The following TRNT1 variants were observed in gnomAD, a reference collection of about 807,000 sequenced individuals.
TRNT1 encodes CCA tRNA nucleotidyltransferase 1, mitochondrial.
TRNT1 carries 44 observed loss-of-function variants against 45.6 expected under a neutral mutation model. That is an observed-to-expected ratio of 0.97 (90% CI 0.76 to 1.24). The LOEUF (loss-of-function observed/expected upper bound fraction) is 1.24. Among genes scored for constraint, TRNT1 ranks in the 50% most tolerant of loss-of-function variants. The pLI, the probability that TRNT1 is intolerant of heterozygous loss-of-function variation, is 0.00. For synonymous variants in TRNT1, 201 were observed against 171.4 expected (o/e 1.17, Z -1.35); for missense variants, 633 against 504.4 (o/e 1.25, Z -2.44).
At chr3:3,136,506 T>A (rs74543240) in intron 2 of TRNT1, among the ~76,000 whole-genome samples, 4,705 of 152,268 alleles carry the variant, frequency 0.031, 152 homozygotes, top group African/African-American at 0.085. Flanking sequence ...ATAAGTGGTA[T>A]AGACTAATGT....
rs62228590 is a variant in TRNT1 at position 3,128,235 on chromosome 3, C to T, written c.-27-779C>T. Among the ~76,000 whole-genome samples the T allele has an allele frequency of 6.4e-3, 970 of 152,192 alleles. 6 individuals carry two copies. Among genetic ancestry groups the T allele is most frequent in the African/African-American group, 0.018 (750 of 41,518 alleles). On this transcript the variant is annotated intron_variant, in intron 1 of 7. Transcript: ENST00000251607. ...CCCTCAGACCCCTAATAAACTTGTT[C>T]GTGGAGGCCTGGGGAGTTTCCTCAG...
chr3:3,132,744 A>AAAAAAAAAAAAAAAAACAAAT (rs1705092044), intron 2 of TRNT1, among the ~76,000 whole-genome samples: 1 of 124,188 alleles, frequency 8.1e-6, no homozygotes, highest in African/African-American at 3.2e-5. Context: ...AAAAAAAAAA[A>AAAAAAAAAAAAAAAAACAAAT]CACAAAAAAA....
intron 3 of TRNT1, among the ~76,000 whole-genome samples, chr3:3,137,872 C>T (rs1490459071): frequency 6.6e-6 from 1 of 152,186 alleles, no homozygotes; most frequent in East Asian, 1.9e-4. Flanking sequence ...GTATTGTTTA[C>T]AGCCAGATTG....
At chr3:3,146,933 C>G (rs1706070084) in intron 6 of TRNT1, among the ~76,000 whole-genome samples, 1 of 152,122 alleles carries the variant, frequency 6.6e-6, no homozygotes, top group African/African-American at 2.4e-5. Flanking sequence ...AATGTAGCCT[C>G]TATCTAATAG....
intron 2 of TRNT1, chr3:3,136,562 AAC>A (rs1263716049): frequency 1.7e-5 from 7 of 405,482 alleles, no homozygotes; most frequent in African/African-American, 8.4e-5. Context: ...TCTATCTGTA[AAC>A]ACAGAGAAAT....
chr3:3,152,521 A>T (rs145426456), downstream of TRNT1: 21 of 1,613,972 alleles, frequency 1.3e-5, no homozygotes, highest in Non-Finnish European at 1.8e-5. Context: ...CCTTATACAC[A>T]GTAAGTGTCT....
chr3:3,143,800 G>A (rs186475753), intron 4 of TRNT1, among the ~76,000 whole-genome samples: 1 of 152,238 alleles, frequency 6.6e-6, no homozygotes. Flanking sequence ...GGAGGCTGCA[G>A]TGAGCTGAGA....
intron 5 of TRNT1, 40 bp downstream of exon 5, chr3:3,144,750 C>G: frequency 6.8e-7 from 1 of 1,470,510 alleles, no homozygotes; most frequent in Non-Finnish European, 9.2e-7. Context: ...GTTTTAATAT[C>G]ATGACTAGAG....
chr3:3,147,462 A>G lies in TRNT1; in HGVS notation c.815A>G (p.Asn272Ser). 1 of 1,613,466 alleles carries G rather than the reference A, an allele frequency of 6.2e-7. No homozygotes were observed. The highest frequency in any genetic ancestry group is 2.2e-5 in the East Asian group (1 of 44,806). Reference protein sequence around the residue: ...DVAPYIGLPANASLEEFDKVS... With the variant: ...DVAPYIGLPASASLEEFDKVS... ...TTTGTCCCTACAGGTTTACCTGCTAATGCAAGTTTAGAAGAATTTGACAAA... is the reference window on the plus strand; with the variant it reads ...TTTGTCCCTACAGGTTTACCTGCTAGTGCAAGTTTAGAAGAATTTGACAAA... Residue 272 changes from asparagine to serine, a missense_variant, in exon 7 of 8, where the codon AAT becomes AGT. Physicochemically the swap from Asn to Ser is conservative, Grantham distance 46. Coordinates refer to ENST00000251607, the MANE Select transcript of TRNT1 (RefSeq NM_182916.3).
chr3:3,152,860 T>TA (rs1575079802), downstream of TRNT1: 7 of 467,124 alleles, frequency 1.5e-5, 1 homozygote, highest in East Asian at 2.9e-4. Flanking sequence ...ACAGACATTG[T>TA]AAAGAATATA....
chr3:3,151,147 G>C (rs1396187166), downstream of TRNT1: 1 of 1,199,852 alleles, frequency 8.3e-7, no homozygotes, highest in East Asian at 2.5e-5. Flanking sequence ...AAATTCTAAG[G>C]ATTAGAGATT....
rs1706204053 is a variant in TRNT1 at position 3,148,294 on chromosome 3, G to GAATT, written c.*142_*145dup. ...TAGAACAACAAGGGTCTTATTTTGTGAATTATATATTTCAAGAACTAAACA... is the reference window on the plus strand; with the variant it reads ...TAGAACAACAAGGGTCTTATTTTGTGAATTAATTATATATTTCAAGAACTAAACA... On this transcript the variant is annotated 3_prime_UTR_variant, in exon 8 of 8. Coordinates refer to ENST00000251607, the MANE Select transcript of TRNT1 (RefSeq NM_182916.3). The GAATT allele has an allele frequency of 4.8e-6, 4 of 837,638 alleles. No individual in the cohort carries two copies. The highest frequency in any genetic ancestry group is 3.8e-5 in the South Asian group (2 of 52,640). The allele number at this position is 837,638 out of a possible 1,614,324, so 51.9% of individuals were successfully genotyped here. A position where few individuals can be genotyped will look rare whatever the true frequency, so the allele number is the denominator to read the frequency against.
At chr3:3,143,663 A>G (rs1705801997) in intron 4 of TRNT1, among the ~76,000 whole-genome samples, 1 of 151,974 alleles carries the variant, frequency 6.6e-6, no homozygotes, top group African/African-American at 2.4e-5. Flanking sequence ...AGATCACTTG[A>G]TGTCAGGAGT....
intron 3 of TRNT1, among the ~76,000 whole-genome samples, chr3:3,138,272 G>A (rs1488040718): frequency 6.6e-6 from 1 of 152,180 alleles, no homozygotes; most frequent in African/African-American, 2.4e-5. Context: ...TGGTTTGATA[G>A]TTACGGTTAT....
Position 3,141,765 on chromosome 3 carries a change from A to G in TRNT1, c.481+1117A>G, listed in dbSNP as rs562555937. ...AGCAATAGTAGTGGTAAAAGGATGA[A>G]GTAATAGGATTTGCTTCATGCATAG... On this transcript the variant is annotated intron_variant, in intron 4 of 7. Transcript: ENST00000251607. Among the ~76,000 whole-genome samples, 11 of 152,334 alleles carry G rather than the reference A, an allele frequency of 7.2e-5. No homozygotes were observed. In the South Asian group the frequency reaches 2.3e-3, roughly 32 times the overall value.
chr3:3,141,003 C>T (rs1406908556), intron 4 of TRNT1, among the ~76,000 whole-genome samples: 2 of 152,028 alleles, frequency 1.3e-5, no homozygotes, highest in Admixed American at 1.3e-4. Context: ...ACCCGGGAGG[C>T]GGAGCTTGCA....
intron 3 of TRNT1, among the ~76,000 whole-genome samples, chr3:3,137,796 C>G (rs1705420398): frequency 6.6e-6 from 1 of 152,178 alleles, no homozygotes; most frequent in Non-Finnish European, 1.5e-5. Context: ...CTTCTTCTGT[C>G]TTCCTAGTAT....
At chr3:3,152,735 G>A, downstream of TRNT1, 4 of 970,654 alleles carry the variant, frequency 4.1e-6, no homozygotes, top group South Asian at 5.8e-5. Context: ...CAGGATCTTA[G>A]TATGAAAATG....
At chr3:3,141,408 T>C (rs1200406193) in intron 4 of TRNT1, among the ~76,000 whole-genome samples, 1 of 152,210 alleles carries the variant, frequency 6.6e-6, no homozygotes, top group African/African-American at 2.4e-5. Flanking sequence ...TATTCAATCT[T>C]TCTTCTGCTT....
Sources: gnomAD v4.1 joint callset for allele counts (sites outside exome capture counted in the v4.1 genomes callset) on GRCh38, gnomAD v4.1.1 for gene constraint, MANE v1.5 for transcripts, NCBI Gene and HGNC (gene_info 2026-07-23, HGNC 2026-07-21) for gene names.